NLGN2: variants seen among roughly 807,000 people sequenced by gnomAD.
The protein encoded by NLGN2 is neuroligin 2.
NLGN2 carries 11 observed loss-of-function variants against 48.6 expected under a neutral mutation model. That is an observed-to-expected ratio of 0.23 (90% CI 0.14 to 0.37). NLGN2 has a LOEUF of 0.37. Among genes scored for constraint, NLGN2 ranks in the 10% least tolerant of loss-of-function variants. The pLI, the probability that NLGN2 is intolerant of heterozygous loss-of-function variation, is 1.00. For missense variants in NLGN2, 801 were observed against 1,225.2 expected (o/e 0.65, Z 5.17); for synonymous variants, 548 against 550.0 (o/e 1.00, Z 0.05).
At position 7,417,397 on chromosome 17, in the gene NLGN2, C is replaced by T. The variant is rs779744927; in HGVS notation, c.2106C>T (p.Asp702=). The change falls in exon 7 of 7, where the codon GAC becomes GAT. Residue 702 remains aspartate, a synonymous_variant. Coordinates refer to ENST00000302926, the MANE Select transcript of NLGN2 (RefSeq NM_020795.4). ...LAFAALYYKR[D]RRQELRCRRL... ...TTGCTGCCCTCTACTACAAGCGGGA[C>T]CGGCGGCAGGAGCTGCGGTGCAGGC... The T allele has an allele frequency of 6.8e-6, 11 of 1,610,368 alleles. No homozygotes were observed. Among genetic ancestry groups the T allele is most frequent in the Non-Finnish European group, 8.5e-6 (10 of 1,178,844 alleles).
At position 7,408,314 on chromosome 17, in the gene NLGN2, G is replaced by A. The variant is rs1322739670; in HGVS notation, c.59G>A (p.Gly20Asp). 4 of 1,377,996 alleles carry A rather than the reference G, an allele frequency of 2.9e-6. No homozygotes were observed. Among genetic ancestry groups the A allele is most frequent in the South Asian group, 3.4e-5 (2 of 58,356 alleles). The allele number at this position is 1,377,996 out of a possible 1,614,324, so 85.4% of individuals were successfully genotyped here. Residue 20 changes from glycine (G) to aspartate (D), a missense_variant, in exon 1 of 7, where the codon GGT becomes GAT. Gly to Asp is a moderately conservative substitution (Grantham distance 94). This residue lies in a region of NLGN2 where 164 missense variants were observed against 186.2 expected (regional missense o/e 0.88). Transcript: ENST00000302926. This position sits in a 1 kb window ranked among gnomAD's most constrained non-coding sequence, Gnocchi z 7.5. ...GLAGAQRGGGGPGGGAPGGPG... is the reference protein window; with the variant it reads ...GLAGAQRGGGDPGGGAPGGPG... ...GCGGGGGCTCAACGCGGGGGAGGGGGTCCCGGCGGCGGCGCCCCGGGCGGC... is the reference window on the plus strand; with the variant it reads ...GCGGGGGCTCAACGCGGGGGAGGGGATCCCGGCGGCGGCGCCCCGGGCGGC...
intron 5 of NLGN2, 114 bp from the exon 6 acceptor site, chr17:7,415,397 G>A: frequency 9.4e-7 from 1 of 1,069,224 alleles, no homozygotes; most frequent in Non-Finnish European, 1.4e-6. Context: ...AGGATTTCAA[G>A]TAGGGAAGAA....
rs1276189743 is a variant in NLGN2, at chr17:7,417,424, G to A, written c.2133G>A (p.Arg711=). The part of the protein sequence containing the change: ...RDRRQELRCR[R]LSPPGGSGSG... ...GGCGGCAGGAGCTGCGGTGCAGGCG[G>A]CTTAGCCCACCTGGCGGCTCAGGCT... The change falls in exon 7 of 7, where the codon CGG becomes CGA. Residue 711 remains arginine, a synonymous_variant. Coordinates refer to ENST00000302926, the MANE Select transcript of NLGN2 (RefSeq NM_020795.4). The A allele has an allele frequency of 6.2e-7, 1 of 1,604,920 alleles. No homozygotes were observed. Among genetic ancestry groups the A allele is most frequent in the Non-Finnish European group, 8.5e-7 (1 of 1,176,924 alleles).
Position 7,411,888 on chromosome 17 carries a change from C to T in NLGN2, c.458-269C>T, listed in dbSNP as rs540111502. 6.6e-6 allele frequency among the ~76,000 whole-genome samples: 1 copy of T among 152,090 alleles called. No individual in the cohort carries two copies. Among genetic ancestry groups the T allele is most frequent in the African/African-American group, 2.4e-5 (1 of 41,408 alleles). On this transcript the variant is annotated intron_variant, in intron 1 of 6. Transcript: ENST00000302926. This position sits in a 1 kb window ranked among gnomAD's most constrained non-coding sequence, Gnocchi z 4.5. ...TAAGACAGGCCTCAGCCCACTCAGG[C>T]ACCCCACCCCCCCAAAACCAGCCTT...
rs1597707173 is a variant in NLGN2 at position 7,408,645 on chromosome 17, C to T, written c.390C>T (p.Ala130=). The T allele has an allele frequency of 1.2e-6, 2 of 1,612,546 alleles. No individual in the cohort carries two copies. The highest frequency in any genetic ancestry group is 8.5e-7 in the Non-Finnish European group (1 of 1,179,644). Residue 130 remains alanine, a synonymous_variant, in exon 1 of 7, where the codon GCC becomes GCT. Coordinates refer to ENST00000302926, the MANE Select transcript of NLGN2 (RefSeq NM_020795.4). The surrounding 1 kb of genome is among the most constrained non-coding windows in gnomAD (Gnocchi z 7.5). The part of the protein sequence containing the change: ...PVWFTDNLEA[A]ATYVQNQSED... ...GGTTCACCGACAACTTGGAGGCGGCCGCCACCTACGTGCAGAACCAGAGCG... is the reference window on the plus strand; with the variant it reads ...GGTTCACCGACAACTTGGAGGCGGCTGCCACCTACGTGCAGAACCAGAGCG...
Position 7,417,590 on chromosome 17 carries a change from C to T in NLGN2, c.2299C>T (p.Pro767Ser). 2 of 1,428,664 alleles carry T rather than the reference C, an allele frequency of 1.4e-6. No individual in the cohort carries two copies. Among genetic ancestry groups the T allele is most frequent in the Non-Finnish European group, 1.8e-6 (2 of 1,099,628 alleles). 88.5% of individuals were successfully genotyped at this position (1,428,664 alleles called of 1,614,324 possible). Residue 767 changes from proline (P) to serine (S), a missense_variant, in exon 7 of 7, where the codon CCC becomes TCC. Coordinates refer to ENST00000302926, the MANE Select transcript of NLGN2 (RefSeq NM_020795.4). Reference protein sequence around the residue: ...PAEALRPACPPDYTLALRRAP... With the variant: ...PAEALRPACPSDYTLALRRAP... ...CGAGGCTCTGCGCCCTGCCTGCCCG[C>T]CCGACTACACCCTGGCCCTGCGCCG...
chr17:7,417,163 C>A lies in NLGN2; in HGVS notation c.1872C>A (p.Pro624=), dbSNP rs558316443. The change falls in exon 7 of 7, where the codon CCC becomes CCA. Residue 624 remains proline, a synonymous_variant. Coordinates refer to ENST00000302926, the MANE Select transcript of NLGN2 (RefSeq NM_020795.4). ...ELFTTTTRLP[P]YATRWPPRPP... Reference sequence around the variant, plus strand: ...TCACCACCACCACGCGCCTGCCTCCCTACGCCACGCGCTGGCCGCCTCGTC... The same window carrying A: ...TCACCACCACCACGCGCCTGCCTCCATACGCCACGCGCTGGCCGCCTCGTC... 27 of 1,599,110 alleles carry A rather than the reference C, an allele frequency of 1.7e-5. No homozygotes were observed. The African/African-American group carries it at 3.2e-4, about 19-fold the overall frequency.
chr17:7,414,901 CCT>C, intron 4 of NLGN2, 53 bp downstream of exon 4: 1 of 1,613,504 alleles, frequency 6.2e-7, no homozygotes, highest in Non-Finnish European at 8.5e-7. Flanking sequence ...CCAACTCCCC[CCT>C]CTCCTTCAGG....
Position 7,408,219 on chromosome 17 carries a change from G to A in NLGN2, c.-37G>A, listed in dbSNP as rs907236777. 5.6e-5 allele frequency: 63 copies of A among 1,133,794 alleles called. 1 individual carries two copies. The South Asian group carries it at 1.4e-3, about 25-fold the overall frequency. 70.2% of individuals were successfully genotyped at this position (1,133,794 alleles called of 1,614,324 possible). On this transcript the variant is annotated 5_prime_UTR_variant, in exon 1 of 7. Transcript: ENST00000302926. The surrounding 1 kb of genome is among the most constrained non-coding windows in gnomAD (Gnocchi z 7.5). ...CCCTTCTCTCTCTCTCCGAGGGGGG[G>A]GGGTCCCAGGGAGGGAGGGGGGGTC...
rs1085307473 is a variant in NLGN2 at position 7,408,628 on chromosome 17, G to A, written c.373G>A (p.Asp125Asn). The A allele has an allele frequency of 1.2e-5, 20 of 1,609,786 alleles. No homozygotes were observed. Among genetic ancestry groups the A allele is most frequent in the Admixed American group, 1.7e-5 (1 of 59,642 alleles). Residue 125 changes from aspartate (D) to asparagine (N), a missense_variant, in exon 1 of 7, where the codon GAC becomes AAC. Physicochemically the swap from Asp to Asn is conservative, Grantham distance 23. Transcript: ENST00000302926. The surrounding 1 kb of genome is among the most constrained non-coding windows in gnomAD (Gnocchi z 7.5). Reference protein sequence around the residue: ...PAIMLPVWFTDNLEAAATYVQ... With the variant: ...PAIMLPVWFTNNLEAAATYVQ... ...CATCATGCTGCCTGTGTGGTTCACC[G>A]ACAACTTGGAGGCGGCCGCCACCTA...
intron 1 of NLGN2, among the ~76,000 whole-genome samples, chr17:7,410,481 G>A (rs564714080): frequency 2.6e-5 from 4 of 151,752 alleles, no homozygotes; most frequent in South Asian, 2.1e-4. Flanking sequence ...CCATCCCAGC[G>A]CCTGCCCCAT....
At chr17:7,406,657 G>GT (rs372827937), upstream of NLGN2, among the ~76,000 whole-genome samples, 193 of 140,172 alleles carry the variant, frequency 1.4e-3, 5 homozygotes, top group African/African-American at 4.6e-3. Context: ...GGGGGGCGGG[G>GT]GGGGGGCTTG....
chr17:7,408,248 C>A lies in NLGN2; in HGVS notation c.-8C>A. On this transcript the variant is annotated 5_prime_UTR_variant, in exon 1 of 7. Coordinates refer to ENST00000302926, the MANE Select transcript of NLGN2 (RefSeq NM_020795.4). This position sits in a 1 kb window ranked among gnomAD's most constrained non-coding sequence, Gnocchi z 7.5. ...TCCCAGGGAGGGAGGGGGGGTCCCC[C>A]GATCAGCATGTGGCTCCTGGCGCTG... is the stretch of plus-strand genomic sequence containing the variant. 8 of 1,278,162 alleles carry A rather than the reference C, an allele frequency of 6.3e-6. No homozygotes were observed. Among genetic ancestry groups the A allele is most frequent in the South Asian group, 2.4e-5 (1 of 41,352 alleles). The allele number at this position is 1,278,162 out of a possible 1,614,324, so 79.2% of individuals were successfully genotyped here. A position where few individuals can be genotyped will look rare whatever the true frequency, so the allele number is the denominator to read the frequency against.
chr17:7,405,777 C>T (rs1906610973), upstream of NLGN2, among the ~76,000 whole-genome samples: 3 of 152,190 alleles, frequency 2.0e-5, no homozygotes, highest in African/African-American at 7.2e-5. The surrounding 1 kb of genome is among the most constrained non-coding windows in gnomAD (Gnocchi z 6.8). Context: ...TTTGTCTCTG[C>T]CTCTCTCCAG....
rs754012184 is a variant in NLGN2 at position 7,415,602 on chromosome 17, G to A, written c.1129G>A (p.Asp377Asn). The change falls in exon 6 of 7, where the codon GAC becomes AAC. Residue 377 changes from aspartate to asparagine, a missense_variant. Around this residue, in one of 5 missense-constraint regions of NLGN2, gnomAD observed 303 missense variants for 600.1 expected, o/e 0.50. Coordinates refer to ENST00000302926, the MANE Select transcript of NLGN2 (RefSeq NM_020795.4). ...GCAGCAGGGAGAATTCCTCAACTAC[G>A]ACATGCTCATCGGCGTCAACCAGGG... is the stretch of plus-strand genomic sequence containing the variant. ...LMQQGEFLNYDMLIGVNQGEG... is the reference protein window; with the variant it reads ...LMQQGEFLNYNMLIGVNQGEG... 10 of 1,613,906 alleles carry A rather than the reference G, an allele frequency of 6.2e-6. No individual in the cohort carries two copies. Among genetic ancestry groups the A allele is most frequent in the Admixed American group, 1.7e-5 (1 of 60,020 alleles).
At chr17:7,412,893 T>C (rs199526497) in intron 2 of NLGN2, among the ~76,000 whole-genome samples, 1 of 103,730 alleles carries the variant, frequency 9.6e-6, no homozygotes. Flanking sequence ...TTGGTTGTTT[T>C]TTTCTTTCTT....
chr17:7,414,202 G>GC, intron 2 of NLGN2, 142 bp from the exon 3 acceptor site: 1 of 717,486 alleles, frequency 1.4e-6, no homozygotes, highest in South Asian at 1.7e-5. Flanking sequence ...ATCCGGTCTT[G>GC]CCCCCCAGGG....
Position 7,408,098 on chromosome 17 carries a change from C to G in NLGN2, c.-158C>G. 2 of 390,014 alleles carry G rather than the reference C, an allele frequency of 5.1e-6. No individual in the cohort carries two copies. Among genetic ancestry groups the G allele is most frequent in the Non-Finnish European group, 9.0e-6 (2 of 223,086 alleles). The allele number at this position is 390,014 out of a possible 1,614,324, so 24.2% of individuals were successfully genotyped here. On this transcript the variant is annotated 5_prime_UTR_variant, in exon 1 of 7. Coordinates refer to ENST00000302926, the MANE Select transcript of NLGN2 (RefSeq NM_020795.4). The surrounding 1 kb of genome is among the most constrained non-coding windows in gnomAD (Gnocchi z 7.5). ...GGAGAGGAACAGACCCCTTCTCTGT[C>G]CAGTCTAACCCAGGTCCCTCCCCAA...
chr17:7,408,398 A>G lies in NLGN2; in HGVS notation c.143A>G (p.Tyr48Cys). The G allele has an allele frequency of 6.4e-7, 1 of 1,553,354 alleles. No homozygotes were observed. Among genetic ancestry groups the G allele is most frequent in the Admixed American group, 1.9e-5 (1 of 53,920 alleles). Residue 48 changes from tyrosine to cysteine, a missense_variant, in exon 1 of 7, where the codon TAC (tyrosine) becomes TGC (cysteine). By Grantham distance (194) the Tyr-to-Cys change is radical (BLOSUM62 -2). Around this residue, in one of 5 missense-constraint regions of NLGN2, gnomAD observed 164 missense variants for 186.2 expected, o/e 0.88. Coordinates refer to ENST00000302926, the MANE Select transcript of NLGN2 (RefSeq NM_020795.4). The surrounding 1 kb of genome is among the most constrained non-coding windows in gnomAD (Gnocchi z 7.5). ...CGCTTCCCGGTGGTGAACACGGCCT[A>G]CGGGCGAGTGCGCGGTGTGCGGCGC... ...EERFPVVNTA[Y>C]GRVRGVRREL...
Sources: gnomAD v4.1 joint callset for allele counts (sites outside exome capture counted in the v4.1 genomes callset) on GRCh38, gnomAD v4.1.1 for gene constraint, gnomAD v4.1.1 regional missense constraint, Gnocchi (gnomAD v3.1) non-coding constraint, MANE v1.5 for transcripts, NCBI Gene and HGNC (gene_info 2026-07-23, HGNC 2026-07-21) for gene names.